CPLANE1: variants seen among roughly 807,000 people sequenced by gnomAD.
The protein encoded by CPLANE1 is ciliogenesis and planar polarity effector 1.
Under a neutral mutation model 362.5 loss-of-function variants are expected in CPLANE1, and 263 were observed. The ratio of observed to expected loss-of-function variants is 0.73; its 90% CI spans 0.66 to 0.80. CPLANE1 has a LOEUF of 0.80. CPLANE1 is among the 30% of genes least tolerant of loss of function. CPLANE1 has a pLI of 0.00. For synonymous variants in CPLANE1, 1,212 were observed against 1,302.6 expected (o/e 0.93, Z 1.50); for missense variants, 3,461 against 3,793.4 (o/e 0.91, Z 2.30).
At chr5:37,146,468 C>T (rs1771626105) in intron 43 of CPLANE1, among the ~76,000 whole-genome samples, 2 of 152,130 alleles carry the variant, frequency 1.3e-5, no homozygotes, top group African/African-American at 2.4e-5. Flanking sequence ...TGAGCCACCA[C>T]GCCCGGCCTA....
Position 37,156,032 on chromosome 5 carries a change from T to G in CPLANE1, c.8119+1281A>C, listed in dbSNP as rs904237337. 6.6e-6 allele frequency among the ~76,000 whole-genome samples: 1 copy of G among 152,218 alleles called. No individual in the cohort carries two copies. Among genetic ancestry groups the G allele is most frequent in the Admixed American group, 6.5e-5 (1 of 15,280 alleles). On this transcript the variant is annotated intron_variant, in intron 41 of 52. Coordinates refer to ENST00000651892, the MANE Select transcript of CPLANE1 (RefSeq NM_001384732.1). ...GCTTTAAAATCTGAAATGCTGGCAC[T>G]TGTTTGTATATGCAGCTGTTAATAC...
At chr5:37,147,129 T>G (rs1771898141) in intron 43 of CPLANE1, among the ~76,000 whole-genome samples, 1 of 152,118 alleles carries the variant, frequency 6.6e-6, no homozygotes, top group Non-Finnish European at 1.5e-5. Context: ...ACAAAAAATC[T>G]GGACAACACA....
At chr5:37,224,855 A>G (rs187272641) in intron 12 of CPLANE1, 115 bp from the exon 13 acceptor site, 1 of 618,044 alleles carries the variant, frequency 1.6e-6, no homozygotes, top group African/African-American at 1.9e-5. Flanking sequence ...TAACATACAT[A>G]CAAACTGATC....
intron 37 of CPLANE1, among the ~76,000 whole-genome samples, chr5:37,163,985 A>G (rs1777567655): frequency 6.6e-6 from 1 of 152,230 alleles, no homozygotes; most frequent in Admixed American, 6.5e-5. Context: ...TGGATGTGCT[A>G]GGAGAATGAC....
In CPLANE1 at chr5:37,138,768, A is replaced by G; in HGVS notation, c.8744T>C (p.Val2915Ala). Residue 2915 changes from valine to alanine, a missense_variant, in exon 46 of 53, where the codon GTT (valine) becomes GCT (alanine). By Grantham distance (64) the Val-to-Ala change is moderately conservative. Around this residue, in one of 2 missense-constraint regions of CPLANE1, gnomAD observed 3,380 missense variants for 3,666.1 expected, o/e 0.92. Coordinates refer to ENST00000651892, the MANE Select transcript of CPLANE1 (RefSeq NM_001384732.1). ...IIDDLIIKDG[V>A]SSEELGLTEQ... ...TGTTAAGCCAAGTTCTTCACTGGAAACTCCGTCTTTAATTATAAGGTCATC... is the reference window on the plus strand; with the variant it reads ...TGTTAAGCCAAGTTCTTCACTGGAAGCTCCGTCTTTAATTATAAGGTCATC... 1 of 1,612,896 alleles carries G rather than the reference A, an allele frequency of 6.2e-7. No homozygotes were observed. Among genetic ancestry groups the G allele is most frequent in the South Asian group, 1.1e-5 (1 of 90,858 alleles).
intron 13 of CPLANE1, 95 bp downstream of exon 13, chr5:37,224,437 T>C: frequency 7.6e-7 from 1 of 1,308,658 alleles, no homozygotes. Context: ...AGAAATTATT[T>C]TGAAAAACAA....
intron 16 of CPLANE1, chr5:37,211,581 C>T: frequency 1.0e-6 from 1 of 982,522 alleles, no homozygotes; most frequent in Non-Finnish European, 1.6e-6. Context: ...CTCCACACCC[C>T]TTCCAAAAGC....
intron 27 of CPLANE1, 132 bp from the exon 28 acceptor site, chr5:37,180,315 G>A (rs890592071): frequency 1.5e-5 from 6 of 405,750 alleles, no homozygotes; most frequent in African/African-American, 6.3e-5. Context: ...GCGCAATCTC[G>A]GCTTAATTCA....
At chr5:37,234,246 A>T (rs1798401823) in intron 8 of CPLANE1, among the ~76,000 whole-genome samples, 1 of 152,182 alleles carries the variant, frequency 6.6e-6, no homozygotes, top group Admixed American at 6.5e-5. Flanking sequence ...ATCAAAAATA[A>T]TTCCCCCAAA....
chr5:37,169,990 C>T (rs1779314866), intron 33 of CPLANE1, 51 bp downstream of exon 33: 1 of 1,561,116 alleles, frequency 6.4e-7, no homozygotes. Context: ...GCTGGGATTA[C>T]AGACATGAGC....
Position 37,169,573 on chromosome 5 carries a change from A to G in CPLANE1, c.6463-12T>C, listed in dbSNP as rs1387517248. 13 of 1,562,482 alleles carry G rather than the reference A, an allele frequency of 8.3e-6. No homozygotes were observed. Among genetic ancestry groups the G allele is most frequent in the Non-Finnish European group, 1.0e-5 (12 of 1,157,032 alleles). Reference sequence around the variant, plus strand: ...CCATGTGGAACATTCTGGAAGAGAAAAAAGATATTATGTAAGTTTAGAATA... The same window carrying G: ...CCATGTGGAACATTCTGGAAGAGAAGAAAGATATTATGTAAGTTTAGAATA... On this transcript the variant is annotated splice_polypyrimidine_tract_variant and intron_variant, in intron 33 of 52. Transcript: ENST00000651892.
chr5:37,150,262 G>A (rs769847761), intron 42 of CPLANE1, among the ~76,000 whole-genome samples: 7 of 152,128 alleles, frequency 4.6e-5, no homozygotes, highest in Non-Finnish European at 1.0e-4. Context: ...CTCAAGTCTT[G>A]TTGAATACTC....
chr5:37,180,136 T>C lies in CPLANE1; in HGVS notation c.5618A>G (p.Asp1873Gly), dbSNP rs763113716. 1 of 1,540,880 alleles carries C rather than the reference T, an allele frequency of 6.5e-7. No individual in the cohort carries two copies. Among genetic ancestry groups the C allele is most frequent in the East Asian group, 2.3e-5 (1 of 42,944 alleles). ...ATTATGAGTGATGGAAATAATATCA[T>C]CATTGATTTCTTTTATATCAGGATT... ...AKNPDIKEINDDIISITHNTK... is the reference protein window; with the variant it reads ...AKNPDIKEINGDIISITHNTK... The change falls in exon 28 of 53, where the codon GAT becomes GGT. Residue 1873 changes from aspartate (D) to glycine (G), a missense_variant. Transcript: ENST00000651892.
intron 46 of CPLANE1, among the ~76,000 whole-genome samples, chr5:37,136,085 T>G (rs1184274192): frequency 6.6e-6 from 1 of 152,140 alleles, no homozygotes; most frequent in Non-Finnish European, 1.5e-5. Flanking sequence ...CCCACGGTCT[T>G]AACTCATTCT....
intron 15 of CPLANE1, among the ~76,000 whole-genome samples, chr5:37,216,495 G>A (rs1438340439): frequency 6.6e-6 from 1 of 152,210 alleles, no homozygotes; most frequent in Non-Finnish European, 1.5e-5. Flanking sequence ...GCTGCAGTGA[G>A]CTGTGATCAC....
intron 46 of CPLANE1, among the ~76,000 whole-genome samples, chr5:37,126,492 C>G (rs890409361): frequency 1.3e-5 from 2 of 152,198 alleles, no homozygotes; most frequent in African/African-American, 4.8e-5. Context: ...GTCTCCCCTA[C>G]CCTCTTTCCC....
chr5:37,150,390 C>A (rs1304610084), intron 42 of CPLANE1, among the ~76,000 whole-genome samples: 1 of 152,228 alleles, frequency 6.6e-6, no homozygotes, highest in East Asian at 1.9e-4. Context: ...CTGATTACTC[C>A]AAAATCTGTA....
At chr5:37,097,166 T>C in the CPLANE1 span, among the ~76,000 whole-genome samples, 3 of 151,932 alleles carry the variant, frequency 2.0e-5, no homozygotes, top group Non-Finnish European at 4.4e-5. Context: ...CTGGTCAACA[T>C]AGCAAGACCC....
Position 37,120,288 on chromosome 5 carries a change from A to G in CPLANE1, c.9238T>C (p.Tyr3080His). Residue 3080 changes from tyrosine (Y) to histidine (H), a missense_variant, in exon 50 of 53, where the codon TAT becomes CAT. By Grantham distance (83) the Tyr-to-His change is moderately conservative. Around this residue, in one of 2 missense-constraint regions of CPLANE1, gnomAD observed 3,380 missense variants for 3,666.1 expected, o/e 0.92. Transcript: ENST00000651892. ...TGGATATAACTCGGTTTGGACATAT[A>G]TTTGACTTTTCCAGGTCGATTTATT... Reference protein sequence around the residue: ...FLINRPGKVKYMSKPSYIHKR... With the variant: ...FLINRPGKVKHMSKPSYIHKR... The G allele has an allele frequency of 6.3e-7, 1 of 1,599,652 alleles. No homozygotes were observed. Among genetic ancestry groups the G allele is most frequent in the African/African-American group, 1.3e-5 (1 of 74,164 alleles).
Sources: gnomAD v4.1 joint callset for allele counts (sites outside exome capture counted in the v4.1 genomes callset) on GRCh38, gnomAD v4.1.1 for gene constraint, gnomAD v4.1.1 regional missense constraint, MANE v1.5 for transcripts, NCBI Gene and HGNC (gene_info 2026-07-23, HGNC 2026-07-21) for gene names.